FBXL5: variants seen among roughly 807,000 people sequenced by gnomAD.
FBXL5 encodes the protein F-box/LRR-repeat protein 5.
FBXL5 carries 26 observed loss-of-function variants against 78.3 expected under a neutral mutation model. The observed-to-expected ratio is 0.33, with a 90% CI of 0.24 to 0.46. FBXL5 has a LOEUF of 0.46. Among genes scored for constraint, FBXL5 ranks in the 20% least tolerant of loss-of-function variants. The pLI, the probability that FBXL5 is intolerant of heterozygous loss-of-function variation, is 1.00. For missense variants in FBXL5, 710 were observed against 829.2 expected, an observed-to-expected ratio of 0.86 and a Z score of 1.77; for synonymous variants, 295 against 282.5, an observed-to-expected ratio of 1.04 and a Z score of -0.45.
intron 1 of FBXL5, among the ~76,000 whole-genome samples, chr4:15,651,678 A>C (rs1716074286): frequency 6.6e-6 from 1 of 152,238 alleles, no homozygotes; most frequent in African/African-American, 2.4e-5. Context: ...CCCACTTAAG[A>C]GTTTTGGGTC....
In FBXL5 at chr4:15,628,876, T is replaced by C. The variant is rs1713346303; in HGVS notation, c.893-843A>G. Among the ~76,000 whole-genome samples, 7 of 152,208 alleles carry C rather than the reference T, an allele frequency of 4.6e-5. No homozygotes were observed. In the South Asian group the frequency reaches 1.5e-3, roughly 32 times the overall value. On this transcript the variant is annotated intron_variant, in intron 6 of 10. Coordinates refer to ENST00000341285, the MANE Select transcript of FBXL5 (RefSeq NM_012161.4). ...ATAATTTTATTCCCAAACCATTCTTTTGTTTCTGTGGCCCTCACTATCTAA... is the reference window on the plus strand; with the variant it reads ...ATAATTTTATTCCCAAACCATTCTTCTGTTTCTGTGGCCCTCACTATCTAA...
chr4:15,657,407 G>C (rs1379103060), upstream of FBXL5, among the ~76,000 whole-genome samples: 2 of 152,224 alleles, frequency 1.3e-5, no homozygotes, highest in African/African-American at 2.4e-5. Context: ...TGTTTAATAT[G>C]CTATGTTGTC....
upstream of FBXL5, chr4:15,659,640 G>T: frequency 2.3e-6 from 1 of 431,126 alleles, no homozygotes. Flanking sequence ...GAGATATAAT[G>T]TGTATAGTGG....
At chr4:15,634,181 A>G (rs1246216040) in intron 5 of FBXL5, among the ~76,000 whole-genome samples, 4 of 152,060 alleles carry the variant, frequency 2.6e-5, no homozygotes, top group Non-Finnish European at 2.9e-5. Context: ...ACCGATTTCT[A>G]TTGATTTTTT....
upstream of FBXL5, among the ~76,000 whole-genome samples, chr4:15,662,398 G>A (rs1168516121): frequency 1.3e-5 from 2 of 152,180 alleles, no homozygotes; most frequent in Non-Finnish European, 2.9e-5. Context: ...ATGAAAAAGA[G>A]TAAAATATAC....
chr4:15,607,547 G>A (rs1448066145), intron 10 of FBXL5, among the ~76,000 whole-genome samples: 1 of 152,076 alleles, frequency 6.6e-6, no homozygotes. Context: ...GCAACCCTAT[G>A]ATCTGAAATT....
At chr4:15,636,146 ATTT>A (rs1380133252) in intron 5 of FBXL5, among the ~76,000 whole-genome samples, 2 of 152,128 alleles carry the variant, frequency 1.3e-5, no homozygotes, top group Non-Finnish European at 2.9e-5. Flanking sequence ...TACTAATTGA[ATTT>A]TTAACTTTTA....
chr4:15,611,329 C>A (rs1373474703), intron 10 of FBXL5, among the ~76,000 whole-genome samples: 1 of 152,030 alleles, frequency 6.6e-6, no homozygotes, highest in Non-Finnish European at 1.5e-5. Flanking sequence ...CTCTGGTCTT[C>A]CTGACTCCTG....
intron 9 of FBXL5, among the ~76,000 whole-genome samples, chr4:15,623,007 G>A (rs1712640176): frequency 6.6e-6 from 1 of 152,152 alleles, no homozygotes; most frequent in East Asian, 1.9e-4. Context: ...GATAATATCA[G>A]AATTTGTTAA....
chr4:15,649,432 A>G (rs1009319248), intron 1 of FBXL5, among the ~76,000 whole-genome samples: 1 of 152,002 alleles, frequency 6.6e-6, no homozygotes, highest in Non-Finnish European at 1.5e-5. Context: ...TACAAAAATT[A>G]GTTGGGCGTG....
At chr4:15,660,263 T>G (rs1330818767), upstream of FBXL5, among the ~76,000 whole-genome samples, 2 of 152,108 alleles carry the variant, frequency 1.3e-5, no homozygotes, top group East Asian at 1.9e-4. Context: ...TTTTATTTTT[T>G]GTAGAGGTGC....
Position 15,638,721 on chromosome 4 carries a change from A to G in FBXL5, c.397-27T>C. On this transcript the variant is annotated intron_variant, in intron 3 of 10. Coordinates refer to ENST00000341285, the MANE Select transcript of FBXL5 (RefSeq NM_012161.4). Reference sequence around the variant, plus strand: ...TAAATTAAACAAAATATTCACGAGGAAAGATGCTTCATTCGTGTTGATTTA... The same window carrying G: ...TAAATTAAACAAAATATTCACGAGGGAAGATGCTTCATTCGTGTTGATTTA... 3.5e-6 allele frequency: 5 copies of G among 1,411,656 alleles called. 1 individual carries two copies. The highest frequency in any genetic ancestry group is 4.9e-6 in the Non-Finnish European group (5 of 1,022,650). The allele number at this position is 1,411,656 out of a possible 1,614,324, so 87.4% of individuals were successfully genotyped here.
At chr4:15,632,501 G>A (rs1360003281) in intron 5 of FBXL5, among the ~76,000 whole-genome samples, 2 of 152,110 alleles carry the variant, frequency 1.3e-5, no homozygotes, top group Non-Finnish European at 2.9e-5. Context: ...AAATTACCTT[G>A]GGCAGTATGG....
chr4:15,655,397 G>A (rs1319187789), upstream of FBXL5: 10 of 1,031,500 alleles, frequency 9.7e-6, no homozygotes, highest in African/African-American at 1.8e-5. Flanking sequence ...CCGCCCCGTC[G>A]GCGCGCGCGC....
intron 1 of FBXL5, among the ~76,000 whole-genome samples, chr4:15,677,491 G>C (rs1386361949): frequency 6.6e-6 from 1 of 152,168 alleles, no homozygotes; most frequent in Non-Finnish European, 1.5e-5. Context: ...GTGTTTACAG[G>C]ATTAAAACTT....
intron 5 of FBXL5, among the ~76,000 whole-genome samples, chr4:15,633,562 T>A (rs1713912919): frequency 6.6e-6 from 1 of 152,176 alleles, no homozygotes; most frequent in Non-Finnish European, 1.5e-5. Context: ...AATTATATGA[T>A]CATGAAATGA....
At chr4:15,641,717 G>C (rs1714899878) in intron 2 of FBXL5, 1 of 423,652 alleles carries the variant, frequency 2.4e-6, no homozygotes, top group East Asian at 7.1e-5. Context: ...TGTTGTTCAA[G>C]GGTCAACTGT....
chr4:15,640,306 A>G (rs1714714763), intron 3 of FBXL5, among the ~76,000 whole-genome samples: 1 of 151,032 alleles, frequency 6.6e-6, no homozygotes, highest in Non-Finnish European at 1.5e-5. Context: ...TCAGCTTCCC[A>G]AGTGCTGGGA....
rs74874432 is a variant in FBXL5 at position 15,676,123 on chromosome 4, G to A, written c.-284+5260C>T. Among the ~76,000 whole-genome samples, 12 of 152,252 alleles carry A rather than the reference G, an allele frequency of 7.9e-5. 1 individual carries two copies. In the East Asian group the frequency reaches 2.3e-3, roughly 29 times the overall value. ...AGGTTAGAGGAGATATGACTACAGAGCAACCCAGCTTATGGAAATTATATA... is the reference window on the plus strand; with the variant it reads ...AGGTTAGAGGAGATATGACTACAGAACAACCCAGCTTATGGAAATTATATA... On this transcript the variant is annotated intron_variant, in intron 1 of 4. Coordinates refer to the FBXL5 transcript ENST00000507899.
Sources: allele counts gnomAD v4.1 joint callset (sites outside exome capture counted in the v4.1 genomes callset), GRCh38; gene constraint gnomAD v4.1.1; transcripts MANE v1.5; gene names NCBI Gene and HGNC (gene_info 2026-07-23, HGNC 2026-07-21).